USH2A: variants seen among roughly 807,000 people sequenced by gnomAD.
USH2A encodes the protein usherin, also known as Usher syndrome 2A (autosomal recessive, mild).
A neutral mutation model predicts 538.9 loss-of-function variants in USH2A; 443 were observed. The observed-to-expected ratio is 0.82, with a 90% confidence interval of 0.76 to 0.89. The LOEUF is 0.89. USH2A is among the 40% of genes least tolerant of loss of function. The probability of loss-of-function intolerance (pLI) is 0.00; values close to 1 mark genes in which losing one functional copy is unlikely to be tolerated. For synonymous variants in USH2A, 2,413 were observed against 2,273.5 expected, an observed-to-expected ratio of 1.06 and a Z score of -1.75; for missense variants, 6,633 against 6,324.8, an observed-to-expected ratio of 1.05 and a Z score of -1.65.
rs770065010 is a variant in USH2A, at chr1:215,675,325, C to G, written c.12586G>C (p.Glu4196Gln). Residue 4196 changes from glutamate (E) to glutamine (Q), a missense_variant, in exon 63 of 72, where the codon GAG (glutamate) becomes CAG (glutamine). Glu to Gln is a conservative substitution (Grantham distance 29, BLOSUM62 2). Coordinates refer to ENST00000307340, the MANE Select transcript of USH2A (RefSeq NM_206933.4). Reference sequence around the variant, plus strand: ...GTCTGATTTCCCCAAGCTTTTCCCTCGAAGCATCTGCGAATCACTTCATAG... The same window carrying G: ...GTCTGATTTCCCCAAGCTTTTCCCTGGAAGCATCTGCGAATCACTTCATAG... ...IRYEVIRRCF[E>Q]GKAWGNQTIQ... The G allele has an allele frequency of 6.2e-7, 1 of 1,614,126 alleles. No individual in the cohort carries two copies. Among genetic ancestry groups the G allele is most frequent in the Admixed American group, 1.7e-5 (1 of 60,014 alleles).
At chr1:215,925,700 C>T (rs928550162) in intron 38 of USH2A, among the ~76,000 whole-genome samples, 1 of 152,100 alleles carries the variant, frequency 6.6e-6, no homozygotes, top group Non-Finnish European at 1.5e-5. Flanking sequence ...TGCTAACCTA[C>T]GTTTATTTTT....
At chr1:216,050,730 C>A (rs867393697) in intron 30 of USH2A, among the ~76,000 whole-genome samples, 1 of 150,314 alleles carries the variant, frequency 6.7e-6, no homozygotes, top group South Asian at 2.1e-4. Context: ...TCAGCCTCCA[C>A]AGTAGCTGGG....
chr1:216,074,770 T>C (rs1035835044), intron 27 of USH2A, among the ~76,000 whole-genome samples: 1 of 152,198 alleles, frequency 6.6e-6, no homozygotes. Context: ...CATAACTGTA[T>C]TATCAAAATT....
chr1:216,128,735 T>C (rs113066663), intron 21 of USH2A, among the ~76,000 whole-genome samples: 78 of 152,186 alleles, frequency 5.1e-4, no homozygotes, highest in African/African-American at 1.7e-3. Context: ...CAAGCATCAT[T>C]TCTTTGTGTT....
At chr1:215,665,079 A>G (rs1657562669) in intron 64 of USH2A, among the ~76,000 whole-genome samples, 1 of 152,118 alleles carries the variant, frequency 6.6e-6, no homozygotes, top group African/African-American at 2.4e-5. Flanking sequence ...TTGGTAGCCT[A>G]TGGTGGGGGC....
At chr1:216,185,503 T>C (rs1428628082) in intron 20 of USH2A, among the ~76,000 whole-genome samples, 3 of 151,936 alleles carry the variant, frequency 2.0e-5, no homozygotes, top group African/African-American at 2.4e-5. Flanking sequence ...TAATTTGTGG[T>C]GCTCTTTTTC....
intron 35 of USH2A, among the ~76,000 whole-genome samples, chr1:215,983,610 ACCC>A (rs146385773): frequency 1.3e-5 from 2 of 151,554 alleles, no homozygotes; most frequent in African/African-American, 4.9e-5. Flanking sequence ...TTCACGCACT[ACCC>A]CCCCATCAAA....
At chr1:216,252,004 T>G (rs2102553421) in intron 11 of USH2A, among the ~76,000 whole-genome samples, 1 of 152,338 alleles carries the variant, frequency 6.6e-6, no homozygotes, top group African/African-American at 2.4e-5. Context: ...TTAAATATAC[T>G]TAGCTGATTT....
chr1:215,820,842 T>C (rs1662992068), intron 47 of USH2A, among the ~76,000 whole-genome samples: 1 of 151,894 alleles, frequency 6.6e-6, no homozygotes, highest in Non-Finnish European at 1.5e-5. Flanking sequence ...CATGCAATGT[T>C]TGTCTTTCTA....
rs1461221436 is a variant in USH2A at position 216,073,188 on chromosome 1, G to A, written c.5685C>T (p.Asp1895=). 17 of 1,613,770 alleles carry A rather than the reference G, an allele frequency of 1.1e-5. No homozygotes were observed. Among genetic ancestry groups the A allele is most frequent in the Non-Finnish European group, 1.4e-5 (17 of 1,179,970 alleles). The change falls in exon 28 of 72, where the codon GAC becomes GAT. Residue 1895 remains aspartate, a synonymous_variant. Transcript: ENST00000307340. The part of the protein sequence containing the change: ...RVNLDGCLST[D]SAVNCRGNDS... ...CATTTCCCCTGCAGTTAACAGCACT[G>A]TCAGTTGATAGGCATCCATCCAGAT...
intron 12 of USH2A, among the ~76,000 whole-genome samples, chr1:216,247,869 T>C (rs1309909334): frequency 6.6e-6 from 1 of 152,140 alleles, no homozygotes; most frequent in African/African-American, 2.4e-5. Flanking sequence ...AAACATCATG[T>C]TGTCTGCCAT....
intron 21 of USH2A, among the ~76,000 whole-genome samples, chr1:216,168,534 T>A (rs779231574): frequency 1.4e-4 from 22 of 152,138 alleles, no homozygotes; most frequent in Non-Finnish European, 1.6e-4. Flanking sequence ...TAGTTTACAA[T>A]TTAGTTTTGA....
intron 18 of USH2A, among the ~76,000 whole-genome samples, chr1:216,197,492 T>C (rs886830667): frequency 6.6e-6 from 1 of 152,120 alleles, no homozygotes; most frequent in African/African-American, 2.4e-5. Context: ...CTATTATTTG[T>C]CCAAGATGGC....
At chr1:215,634,410 T>C in intron 70 of USH2A, 49 bp downstream of exon 70, 1 of 1,613,652 alleles carries the variant, frequency 6.2e-7, no homozygotes, top group Admixed American at 1.7e-5. Context: ...GGAAAACAAG[T>C]ATTCTAGTCC....
intron 36 of USH2A, among the ~76,000 whole-genome samples, chr1:215,970,031 A>T (rs1667453280): frequency 6.6e-6 from 1 of 152,166 alleles, no homozygotes; most frequent in African/African-American, 2.4e-5. Context: ...TAGAAAACAT[A>T]ATCTTGTCAA....
At chr1:216,208,217 A>C (rs2035161045) in intron 15 of USH2A, among the ~76,000 whole-genome samples, 1 of 152,084 alleles carries the variant, frequency 6.6e-6, no homozygotes, top group South Asian at 2.1e-4. Context: ...AAGGAGAAAA[A>C]CAACAGCTAA....
intron 30 of USH2A, among the ~76,000 whole-genome samples, chr1:216,066,065 C>G (rs2102542269): frequency 6.6e-6 from 1 of 152,084 alleles, no homozygotes; most frequent in Admixed American, 6.6e-5. Flanking sequence ...TTTAAATTTG[C>G]AATTTTTTTC....
At chr1:216,355,988 G>T (rs982871176) in intron 4 of USH2A, among the ~76,000 whole-genome samples, 1 of 152,048 alleles carries the variant, frequency 6.6e-6, no homozygotes, top group Non-Finnish European at 1.5e-5. Context: ...TGATCACCCT[G>T]AAAAGTATGT....
chr1:216,341,420 G>A lies in USH2A; in HGVS notation c.785-13766C>T, dbSNP rs149889841. On this transcript the variant is annotated intron_variant, in intron 4 of 71. Transcript: ENST00000307340. ...AATAACATGAAAATGGCCACACCAC[G>A]CAAAGTAATTTATAGATTCAGTCCT... Among the ~76,000 whole-genome samples, 1,061 of 151,824 alleles carry A rather than the reference G, an allele frequency of 7.0e-3. 12 individuals are homozygous for A. Among genetic ancestry groups the A allele is most frequent in the African/African-American group, 0.024 (985 of 41,448 alleles).
Sources: allele counts gnomAD v4.1 joint callset (sites outside exome capture counted in the v4.1 genomes callset), GRCh38; gene constraint gnomAD v4.1.1; transcripts MANE v1.5; gene names NCBI Gene and HGNC (gene_info 2026-07-23, HGNC 2026-07-21).